The following DHX40 variants were observed in gnomAD, a reference collection of about 807,000 sequenced individuals.
DHX40 encodes the protein DEAH-box helicase 40.
A neutral mutation model predicts 89.6 loss-of-function variants in DHX40; 28 were observed. That is an observed-to-expected ratio of 0.31 (90% CI 0.23 to 0.43). The LOEUF (loss-of-function observed/expected upper bound fraction) is 0.43, where lower values mean the gene tolerates loss of function less well. Ranked by LOEUF, DHX40 falls within the 20% of genes least tolerant of loss-of-function variation. The pLI, the probability that DHX40 is intolerant of heterozygous loss-of-function variation, is 1.00. For missense variants in DHX40, 457 were observed against 844.0 expected (o/e 0.54, Z 5.68); for synonymous variants, 226 against 283.6 (o/e 0.80, Z 2.04).
chr17:59,571,503 A>G (rs540772588), intron 3 of DHX40, among the ~76,000 whole-genome samples: 23 of 150,884 alleles, frequency 1.5e-4, no homozygotes, highest in Non-Finnish European at 2.2e-4. Context: ...AACCATCACC[A>G]TTTCTACTTT....
intron 12 of DHX40, among the ~76,000 whole-genome samples, chr17:59,595,211 G>C (rs892081419): frequency 1.3e-5 from 2 of 151,670 alleles, no homozygotes; most frequent in Non-Finnish European, 2.9e-5. Context: ...AGCCTCCCGA[G>C]TAGCTGAGAT....
intron 2 of DHX40, among the ~76,000 whole-genome samples, chr17:59,567,769 A>G (rs2143186503): frequency 6.6e-6 from 1 of 151,016 alleles, no homozygotes; most frequent in South Asian, 2.1e-4. Flanking sequence ...TACTAAAAAT[A>G]GAAAAAAAAA....
At chr17:59,569,537 T>G (rs2048758121) in intron 2 of DHX40, among the ~76,000 whole-genome samples, 1 of 149,134 alleles carries the variant, frequency 6.7e-6, no homozygotes, top group African/African-American at 2.5e-5. Context: ...TACAAAAAAA[T>G]TAGCTGGGCC....
At chr17:59,570,474 C>T in intron 2 of DHX40, 44 bp from the exon 3 acceptor site, 1 of 1,551,434 alleles carries the variant, frequency 6.4e-7, no homozygotes, top group Admixed American at 1.9e-5. Flanking sequence ...AATAGGAAGA[C>T]AATTGCTAAC....
intron 7 of DHX40, among the ~76,000 whole-genome samples, chr17:59,576,448 A>G (rs1305269084): frequency 6.6e-6 from 1 of 152,072 alleles, no homozygotes; most frequent in Non-Finnish European, 1.5e-5. Flanking sequence ...GAATGTTTTT[A>G]TATTTTACAT....
At chr17:59,601,188 T>G (rs2030500943) in intron 14 of DHX40, among the ~76,000 whole-genome samples, 1 of 150,902 alleles carries the variant, frequency 6.6e-6, no homozygotes, top group African/African-American at 2.4e-5. Flanking sequence ...CACACACCTG[T>G]AGTGTCAGTT....
At chr17:59,567,283 C>T (rs185542558) in intron 2 of DHX40, among the ~76,000 whole-genome samples, 8 of 152,264 alleles carry the variant, frequency 5.3e-5, no homozygotes, top group Non-Finnish European at 8.8e-5. Flanking sequence ...GACTGATCCC[C>T]CGCACTAGAC....
At chr17:59,596,654 T>C (rs539246491) in intron 12 of DHX40, among the ~76,000 whole-genome samples, 20 of 152,342 alleles carry the variant, frequency 1.3e-4, no homozygotes, top group South Asian at 4.1e-4. Context: ...CTTACCAGGG[T>C]CATTTGTATG....
At chr17:59,586,519 A>G (rs1307135057) in intron 11 of DHX40, among the ~76,000 whole-genome samples, 1 of 151,906 alleles carries the variant, frequency 6.6e-6, no homozygotes, top group Non-Finnish European at 1.5e-5. Context: ...AAACAAAATT[A>G]GCTGGGCGTG....
intron 12 of DHX40, among the ~76,000 whole-genome samples, chr17:59,598,283 A>C (rs1367330766): frequency 3.3e-5 from 5 of 152,196 alleles, no homozygotes; most frequent in African/African-American, 1.2e-4. Flanking sequence ...CACTATGTAC[A>C]TATGCTTATA....
intron 3 of DHX40, among the ~76,000 whole-genome samples, chr17:59,572,901 G>A (rs1450526691): frequency 6.6e-6 from 1 of 152,048 alleles, no homozygotes; most frequent in Non-Finnish European, 1.5e-5. Flanking sequence ...TTGTTGCTTT[G>A]TCCAAGAATA....
intron 12 of DHX40, among the ~76,000 whole-genome samples, chr17:59,594,132 A>G (rs934342817): frequency 2.0e-5 from 3 of 152,064 alleles, no homozygotes; most frequent in East Asian, 1.9e-4. Flanking sequence ...CATGAGAACA[A>G]TCTTCTAGAA....
At chr17:59,593,807 C>A (rs149823555) in intron 12 of DHX40, among the ~76,000 whole-genome samples, 20 of 151,772 alleles carry the variant, frequency 1.3e-4, no homozygotes, top group East Asian at 3.9e-4. Context: ...AAAAAAAAAA[C>A]AAAAAAACTT....
At position 59,566,732 on chromosome 17, in the gene DHX40, T is replaced by G; in HGVS notation, c.218T>G (p.Ile73Ser). 6.2e-7 allele frequency: 1 copy of G among 1,602,568 alleles called. No individual in the cohort carries two copies. Among genetic ancestry groups the G allele is most frequent in the Non-Finnish European group, 8.5e-7 (1 of 1,177,366 alleles). ...IQAVRDNSFL[I>S]VTGNTGSGKT... ...GCTGTGAGGGACAATTCATTCCTTATTGTTACTGGAAATACAGGAAGTGGT... is the reference window on the plus strand; with the variant it reads ...GCTGTGAGGGACAATTCATTCCTTAGTGTTACTGGAAATACAGGAAGTGGT... The change falls in exon 2 of 18, where the codon ATT becomes AGT. Residue 73 changes from isoleucine to serine, a missense_variant. Coordinates refer to ENST00000251241, the MANE Select transcript of DHX40 (RefSeq NM_024612.5).
intron 12 of DHX40, among the ~76,000 whole-genome samples, chr17:59,591,439 G>C (rs932732932): frequency 6.6e-6 from 1 of 151,744 alleles, no homozygotes; most frequent in African/African-American, 2.4e-5. Flanking sequence ...CATGGCCCTA[G>C]TTTTTCTAGA....
intron 2 of DHX40, among the ~76,000 whole-genome samples, chr17:59,568,418 A>G (rs904218087): frequency 2.6e-5 from 4 of 152,114 alleles, no homozygotes; most frequent in African/African-American, 9.7e-5. Flanking sequence ...AAGATATATC[A>G]CTATTTTATG....
intron 14 of DHX40, 54 bp from the exon 15 acceptor site, chr17:59,602,468 A>T: frequency 7.0e-7 from 1 of 1,427,974 alleles, no homozygotes; most frequent in Non-Finnish European, 9.6e-7. Flanking sequence ...AAAATAAAAG[A>T]TTATTTCAAA....
Position 59,608,002 on chromosome 17 carries a change from T to A in DHX40, c.*830T>A, listed in dbSNP as rs1011829712. 1.3e-5 allele frequency: 2 copies of A among 154,756 alleles called. No individual in the cohort carries two copies. Among genetic ancestry groups the A allele is most frequent in the Non-Finnish European group, 2.9e-5 (2 of 68,206 alleles). The allele number at this position is 154,756 out of a possible 1,614,324, so 9.6% of individuals were successfully genotyped here. A position where few individuals can be genotyped will look rare whatever the true frequency, so the allele number is the denominator to read the frequency against. ...AACAGCGCCTCCACCTGGCCTACTC[T>A]GTTATTTCCACCTGTTTGGGTAGGG... On this transcript the variant is annotated 3_prime_UTR_variant, in exon 18 of 18. Coordinates refer to ENST00000251241, the MANE Select transcript of DHX40 (RefSeq NM_024612.5).
At position 59,581,889 on chromosome 17, in the gene DHX40, C is replaced by T. The variant is rs562130554; in HGVS notation, c.1343+2010C>T. On this transcript the variant is annotated intron_variant, in intron 10 of 17. Transcript: ENST00000251241. ...TAGTTATCATTAGATTAGAGATTTT[C>T]TGAATGAGAATATGTAGATACTGGA... Among the ~76,000 whole-genome samples the T allele has an allele frequency of 5.7e-5, 7 of 122,298 alleles. 3 individuals carry two copies. In the East Asian group the frequency reaches 2.0e-3, roughly 36 times the overall value. 80.2% of individuals were successfully genotyped at this position (122,298 alleles called of 152,430 possible). A position where few individuals can be genotyped will look rare whatever the true frequency, so the allele number is the denominator to read the frequency against.
Sources: allele counts gnomAD v4.1 joint callset (sites outside exome capture counted in the v4.1 genomes callset), GRCh38; gene constraint gnomAD v4.1.1; transcripts MANE v1.5; gene names NCBI Gene and HGNC (gene_info 2026-07-23, HGNC 2026-07-21).